Variants in KBTBD12 observed in about 807,000 individuals in gnomAD.
KBTBD12 encodes the protein kelch repeat and BTB domain containing 12.
Under a neutral mutation model 58.7 loss-of-function variants are expected in KBTBD12, and 53 were observed. The ratio of observed to expected loss-of-function variants is 0.90; its 90% CI spans 0.72 to 1.14. KBTBD12 has a LOEUF of 1.14. Among genes scored for constraint, KBTBD12 ranks in the 50% most tolerant of loss-of-function variants. The pLI is 0.00. For synonymous variants in KBTBD12, 236 were observed against 259.8 expected, an observed-to-expected ratio of 0.91 and a Z score of 0.88; for missense variants, 704 against 751.3, an observed-to-expected ratio of 0.94 and a Z score of 0.74.
At chr3:127,964,863 A>G (rs1209028049) in intron 5 of KBTBD12, among the ~76,000 whole-genome samples, 1 of 152,224 alleles carries the variant, frequency 6.6e-6, no homozygotes, top group African/African-American at 2.4e-5. Context: ...TCTCTTTTAC[A>G]TTAAACATTA....
intron 4 of KBTBD12, 81 bp downstream of exon 4, chr3:127,930,364 CT>C: frequency 8.0e-7 from 1 of 1,249,542 alleles, no homozygotes; most frequent in Non-Finnish European, 1.1e-6. Flanking sequence ...AAACGTTCTC[CT>C]TTGCACTTGT....
intron 4 of KBTBD12, among the ~76,000 whole-genome samples, chr3:127,942,584 T>G (rs1392134425): frequency 6.6e-6 from 1 of 150,758 alleles, no homozygotes; most frequent in African/African-American, 2.4e-5. Flanking sequence ...TCTTGACTAT[T>G]GTGAATGCTG....
chr3:127,974,331 C>T (rs1256536471), intron 5 of KBTBD12, among the ~76,000 whole-genome samples: 1 of 152,204 alleles, frequency 6.6e-6, no homozygotes. Flanking sequence ...CTCATGCTTT[C>T]CTTTCTCTTC....
At chr3:127,965,528 C>T (rs549338776) in intron 5 of KBTBD12, among the ~76,000 whole-genome samples, 39 of 152,348 alleles carry the variant, frequency 2.6e-4, no homozygotes, top group African/African-American at 9.1e-4. Context: ...CTGTGTGACA[C>T]AGACCTACTT....
In KBTBD12 at chr3:127,918,121, TG is replaced by T. The variant is rs370909616; in HGVS notation, c.-113+2538del. Among the ~76,000 whole-genome samples the T allele has an allele frequency of 1.5e-4, 23 of 152,286 alleles. No homozygotes were observed. In the South Asian group the frequency reaches 4.8e-3, roughly 32 times the overall value. The stretch of plus-strand genomic sequence containing the variant: ...TACAGGGGAGGCTGAGGTCCCAGCC[TG>T]GGCAACAGGGCAAGACCCTGTCTCT... On this transcript the variant is annotated intron_variant, in intron 1 of 5. Transcript: ENST00000405109.
intron 5 of KBTBD12, among the ~76,000 whole-genome samples, chr3:127,977,801 C>A (rs1425285444): frequency 6.6e-6 from 1 of 152,062 alleles, no homozygotes; most frequent in East Asian, 1.9e-4. Flanking sequence ...TCGATAGTTT[C>A]TTTTGCTGTG....
chr3:127,936,771 T>G (rs1304067005), intron 4 of KBTBD12, among the ~76,000 whole-genome samples: 1 of 152,162 alleles, frequency 6.6e-6, no homozygotes, highest in Non-Finnish European at 1.5e-5. Flanking sequence ...AGCTATAGCC[T>G]CTGTGTAACC....
chr3:127,982,785 C>T (rs1175633381), intron 5 of KBTBD12, among the ~76,000 whole-genome samples: 4 of 152,236 alleles, frequency 2.6e-5, no homozygotes, highest in Admixed American at 6.5e-5. Flanking sequence ...CTCCCTCCCT[C>T]GCCTTCCAGG....
At chr3:127,916,709 A>AAC (rs76152917) in intron 1 of KBTBD12, among the ~76,000 whole-genome samples, 1,711 of 150,660 alleles carry the variant, frequency 0.011, 5 homozygotes, top group Non-Finnish European at 0.018. Context: ...AAAAAGCAAA[A>AAC]AAAAAAAAAA....
At chr3:127,983,609 C>T (rs1940913062) in intron 5 of KBTBD12, among the ~76,000 whole-genome samples, 1 of 152,106 alleles carries the variant, frequency 6.6e-6, no homozygotes, top group Admixed American at 6.5e-5. Flanking sequence ...AAAAATTAGC[C>T]AGGCATGGTG....
rs755312499 is a variant in KBTBD12, at chr3:127,923,513, G to A, written c.452G>A (p.Arg151Gln). ...KQIGAEDLSD[R>Q]SKKYLYQHFA... ...ATTGGAGCTGAAGATTTATCTGATC[G>A]ATCAAAGAAATATTTATATCAGCAC... The change falls in exon 2 of 6, where the codon CGA becomes CAA. Residue 151 changes from arginine to glutamine, a missense_variant. Transcript: ENST00000405109. The A allele has an allele frequency of 4.3e-6, 7 of 1,611,032 alleles. No individual in the cohort carries two copies. Among genetic ancestry groups the A allele is most frequent in the East Asian group, 2.2e-5 (1 of 44,852 alleles).
At chr3:127,964,995 G>C (rs949834545) in intron 5 of KBTBD12, among the ~76,000 whole-genome samples, 6 of 152,206 alleles carry the variant, frequency 3.9e-5, no homozygotes, top group African/African-American at 1.4e-4. Context: ...GAGGAGCCAG[G>C]AGGGAGAGCC....
intron 4 of KBTBD12, among the ~76,000 whole-genome samples, chr3:127,957,927 T>C (rs1001117867): frequency 4.6e-5 from 7 of 152,282 alleles, no homozygotes; most frequent in Non-Finnish European, 2.9e-5. Flanking sequence ...GCCAATTCTG[T>C]GTAGAGACAT....
chr3:127,972,470 C>G (rs1331178337), intron 5 of KBTBD12, among the ~76,000 whole-genome samples: 1 of 152,144 alleles, frequency 6.6e-6, no homozygotes, highest in Non-Finnish European at 1.5e-5. Flanking sequence ...TATTGAATGC[C>G]TTTCTAGGTA....
At chr3:127,924,499 G>A (rs921365870) in intron 2 of KBTBD12, among the ~76,000 whole-genome samples, 1 of 151,478 alleles carries the variant, frequency 6.6e-6, no homozygotes, top group Non-Finnish European at 1.5e-5. Context: ...AAATGTGTTT[G>A]TTATGATCCC....
chr3:127,979,041 A>G (rs1449845270), intron 5 of KBTBD12, among the ~76,000 whole-genome samples: 1 of 152,242 alleles, frequency 6.6e-6, no homozygotes. Context: ...CATTGGAAAC[A>G]CAGCCCACAG....
chr3:127,915,619 C>G (rs993763636), intron 1 of KBTBD12, 33 bp downstream of exon 1: 4 of 152,296 alleles, frequency 2.6e-5, no homozygotes, highest in African/African-American at 9.6e-5. Context: ...GGGAACGCGG[C>G]CCCCAGTCAC....
chr3:127,966,431 G>T (rs1216086670), intron 5 of KBTBD12, among the ~76,000 whole-genome samples: 1 of 152,210 alleles, frequency 6.6e-6, no homozygotes, highest in Non-Finnish European at 1.5e-5. Flanking sequence ...GCCAGGAGAG[G>T]TGTCCTCAGA....
intron 5 of KBTBD12, among the ~76,000 whole-genome samples, chr3:127,983,181 G>A (rs1396154053): frequency 6.6e-6 from 1 of 152,204 alleles, no homozygotes; most frequent in Admixed American, 6.5e-5. Context: ...TGTGAACGTG[G>A]CCTTTCTTCG....
Sources: gnomAD v4.1 joint callset for allele counts (sites outside exome capture counted in the v4.1 genomes callset) on GRCh38, gnomAD v4.1.1 for gene constraint, MANE v1.5 for transcripts, NCBI Gene and HGNC (gene_info 2026-07-23, HGNC 2026-07-21) for gene names.